Variants in HIP1R observed in about 807,000 individuals in gnomAD.
HIP1R encodes huntingtin-interacting protein 1-related protein.
A neutral mutation model predicts 144.2 loss-of-function variants in HIP1R; 135 were observed. The ratio of observed to expected loss-of-function variants is 0.94; its 90% CI spans 0.81 to 1.08. The LOEUF (loss-of-function observed/expected upper bound fraction) is 1.08, where lower values mean the gene tolerates loss of function less well. HIP1R is among the 50% of genes least tolerant of loss of function. The pLI is 0.00. For missense variants in HIP1R, 1,462 were observed against 1,432.8 expected, an observed-to-expected ratio of 1.02 and a Z score of -0.33; for synonymous variants, 698 against 612.8, an observed-to-expected ratio of 1.14 and a Z score of -2.05.
chr12:122,860,340 G>T, intron 26 of HIP1R, 83 bp from the exon 27 acceptor site: 1 of 1,563,336 alleles, frequency 6.4e-7, no homozygotes. Context: ...GCCAGAGTGA[G>T]GGGGAGAGGG....
Position 122,858,435 on chromosome 12 carries a change from G to T in HIP1R, c.2050G>T (p.Asp684Tyr). The T allele has an allele frequency of 6.2e-7, 1 of 1,603,298 alleles. No homozygotes were observed. The highest frequency in any genetic ancestry group is 8.5e-7 in the Non-Finnish European group (1 of 1,173,844). ...CGCCCAGTACCTGACCTCCTTGGCA[G>T]GTGAGTGTAGCCAGGGCAGGGCGGA... ...GHAQYLTSLADASALVAALTR... is the reference protein window; with the variant it reads ...GHAQYLTSLAYASALVAALTR... Residue 684 changes from aspartate to tyrosine, a missense_variant and splice_region_variant, in exon 20 of 32, where the codon GAC becomes TAC. Physicochemically the swap from Asp to Tyr is radical, Grantham distance 160. Around this residue, in one of 2 missense-constraint regions of HIP1R, gnomAD observed 1,112 missense variants for 1,011.7 expected, o/e 1.10. Transcript: ENST00000253083.
intron 1 of HIP1R, among the ~76,000 whole-genome samples, chr12:122,844,094 C>T (rs1208328407): frequency 3.9e-5 from 6 of 152,138 alleles, no homozygotes; most frequent in African/African-American, 1.4e-4. Context: ...CTGCCTCGGT[C>T]TCCCAAAGTG....
Position 122,856,420 on chromosome 12 carries a change from C to A in HIP1R, c.1402-12C>A. On this transcript the variant is annotated splice_polypyrimidine_tract_variant and intron_variant, in intron 15 of 31. Coordinates refer to ENST00000253083, the MANE Select transcript of HIP1R (RefSeq NM_003959.3). Reference sequence around the variant, plus strand: ...TGGCAGCAGAGCATGAGCCCTTCCCCTGCCCATGCAGAACGCGGACACAGC... The same window carrying A: ...TGGCAGCAGAGCATGAGCCCTTCCCATGCCCATGCAGAACGCGGACACAGC... 1 of 1,601,348 alleles carries A rather than the reference C, an allele frequency of 6.2e-7. No individual in the cohort carries two copies.
At chr12:122,855,686 C>T in intron 12 of HIP1R, 74 bp downstream of exon 12, 1 of 1,531,842 alleles carries the variant, frequency 6.5e-7, no homozygotes, top group Non-Finnish European at 8.9e-7. Context: ...CTGGACAGTT[C>T]TGTCTGGAAA....
rs537862093 is a variant in HIP1R at position 122,861,523 on chromosome 12, T to G, written c.3159+9T>G. ...CCAGACAGGACCACCAGGTGCCGTCTGCACTGGGATGGGGGAGTTCCTGGA... is the reference window on the plus strand; with the variant it reads ...CCAGACAGGACCACCAGGTGCCGTCGGCACTGGGATGGGGGAGTTCCTGGA... On this transcript the variant is annotated intron_variant, in intron 31 of 31. Transcript: ENST00000253083. 4.9e-5 allele frequency: 78 copies of G among 1,606,818 alleles called. No individual in the cohort carries two copies. The South Asian group carries it at 7.8e-4, about 16-fold the overall frequency.
At chr12:122,835,887 C>G (rs1447795435) in intron 1 of HIP1R, among the ~76,000 whole-genome samples, 1 of 150,526 alleles carries the variant, frequency 6.6e-6, no homozygotes. Context: ...CCGCTCCCGC[C>G]GGGCGCTCGG....
chr12:122,861,001 C>T lies in HIP1R; in HGVS notation c.2852C>T (p.Ala951Val), dbSNP rs377755164. 5.0e-6 allele frequency: 8 copies of T among 1,613,564 alleles called. No homozygotes were observed. In the African/African-American group the frequency reaches 9.3e-5, roughly 19 times the overall value. Reference protein sequence around the residue: ...TVNERAANVVASTKSGQEQIE... With the variant: ...TVNERAANVVVSTKSGQEQIE... ...AATGAGAGGGCTGCCAATGTGGTGG[C>T]CTCCACCAAGTCAGGCCAGGAGCAG... Residue 951 changes from alanine to valine, a missense_variant, in exon 29 of 32, where the codon GCC becomes GTC. Coordinates refer to ENST00000253083, the MANE Select transcript of HIP1R (RefSeq NM_003959.3).
intron 4 of HIP1R, 66 bp downstream of exon 4, chr12:122,848,918 A>T: frequency 2.0e-6 from 3 of 1,534,428 alleles, no homozygotes; most frequent in Non-Finnish European, 2.7e-6. Context: ...GGGCTGAGCG[A>T]AGGGTGGCTC....
In HIP1R at chr12:122,859,498, A is replaced by G. The variant is rs1338778422; in HGVS notation, c.2368A>G (p.Thr790Ala). ...GAVVDKEMAATSAAIEDAVRR... is the reference protein window; with the variant it reads ...GAVVDKEMAAASAAIEDAVRR... ...CGTGGTCGACAAGGAGATGGCGGCC[A>G]CATCCGCAGCCATTGAAGATGCTGT... Residue 790 changes from threonine (T) to alanine (A), a missense_variant, in exon 23 of 32, where the codon ACA becomes GCA. By Grantham distance (58) the Thr-to-Ala change is moderately conservative. This residue lies in a region of HIP1R where 1,112 missense variants were observed against 1,011.7 expected (regional missense o/e 1.10). Coordinates refer to ENST00000253083, the MANE Select transcript of HIP1R (RefSeq NM_003959.3). The G allele has an allele frequency of 1.4e-5, 22 of 1,613,388 alleles. No individual in the cohort carries two copies. The highest frequency in any genetic ancestry group is 1.9e-5 in the Non-Finnish European group (22 of 1,179,888).
intron 1 of HIP1R, among the ~76,000 whole-genome samples, chr12:122,837,084 C>T (rs1347691495): frequency 1.3e-5 from 2 of 152,186 alleles, no homozygotes; most frequent in Non-Finnish European, 2.9e-5. Flanking sequence ...AATTGGCAGA[C>T]ATATCTGGAT....
In HIP1R at chr12:122,860,785, G is replaced by A; in HGVS notation, c.2766+1G>A. The A allele has an allele frequency of 1.9e-6, 3 of 1,612,190 alleles. No homozygotes were observed. The highest frequency in any genetic ancestry group is 1.1e-5 in the South Asian group (1 of 90,986). ...GGCCCAGCTGGTGGCGGCCTCCAAGGTGAGCTTGCACGCCGACAGCAGCAC... is the reference window on the plus strand; with the variant it reads ...GGCCCAGCTGGTGGCGGCCTCCAAGATGAGCTTGCACGCCGACAGCAGCAC... On this transcript the variant is annotated splice_donor_variant, in intron 28 of 31. Coordinates refer to ENST00000253083, the MANE Select transcript of HIP1R (RefSeq NM_003959.3). LOFTEE classifies it high-confidence loss of function.
intron 24 of HIP1R, 23 bp downstream of exon 24, chr12:122,859,853 C>A (rs763255926): frequency 1.9e-6 from 3 of 1,607,970 alleles, no homozygotes; most frequent in Non-Finnish European, 2.5e-6. Flanking sequence ...TCTGTCCCCC[C>A]AGGCCCAGCC....
chr12:122,844,960 C>T (rs2033166953), intron 1 of HIP1R, among the ~76,000 whole-genome samples: 1 of 152,192 alleles, frequency 6.6e-6, no homozygotes, highest in South Asian at 2.1e-4. Context: ...GCTGCAGTTT[C>T]CCCACCTTCA....
rs2033766955 is a variant in HIP1R at position 122,861,416 on chromosome 12, G to A, written c.3061G>A (p.Glu1021Lys). 2 of 1,613,526 alleles carry A rather than the reference G, an allele frequency of 1.2e-6. No homozygotes were observed. Among genetic ancestry groups the A allele is most frequent in the African/African-American group, 1.3e-5 (1 of 75,032 alleles). ...LAGASGSPGE[E>K]VAIRPSTAPR... is the part of the protein sequence containing the mutation. ...TGGGGCATCAGGCAGCCCTGGAGAG[G>A]AGGTGGCCATCCGGCCCAGCACTGC... The change falls in exon 31 of 32, where the codon GAG becomes AAG. Residue 1021 changes from glutamate to lysine, a missense_variant. Around this residue, in one of 2 missense-constraint regions of HIP1R, gnomAD observed 1,112 missense variants for 1,011.7 expected, o/e 1.10. Transcript: ENST00000253083.
At chr12:122,844,927 C>T (rs1033786267) in intron 1 of HIP1R, among the ~76,000 whole-genome samples, 1 of 152,228 alleles carries the variant, frequency 6.6e-6, no homozygotes, top group African/African-American at 2.4e-5. Flanking sequence ...CAGGCCTGGG[C>T]AGCCCTCTAC....
At chr12:122,838,827 C>A (rs2032978626) in intron 1 of HIP1R, among the ~76,000 whole-genome samples, 2 of 152,174 alleles carry the variant, frequency 1.3e-5, no homozygotes. Context: ...GAGAAAGACT[C>A]ACTGCCTGCT....
chr12:122,841,598 T>C (rs757777304), intron 1 of HIP1R, among the ~76,000 whole-genome samples: 2 of 152,192 alleles, frequency 1.3e-5, no homozygotes, highest in African/African-American at 2.4e-5. Flanking sequence ...GAGATTGTTT[T>C]TTCTCTGGCT....
intron 21 of HIP1R, 33 bp from the exon 22 acceptor site, chr12:122,859,028 G>GA: frequency 3.1e-6 from 5 of 1,606,586 alleles, no homozygotes; most frequent in Non-Finnish European, 4.2e-6. Flanking sequence ...TGTCGGTGGG[G>GA]GGGGCTCCAC....
At position 122,858,090 on chromosome 12, in the gene HIP1R, C is replaced by T. The variant is rs998660399; in HGVS notation, c.1816-12C>T. On this transcript the variant is annotated splice_polypyrimidine_tract_variant and intron_variant, in intron 18 of 31. Coordinates refer to ENST00000253083, the MANE Select transcript of HIP1R (RefSeq NM_003959.3). ...AGGATCTCTAACCTGTCCTCTTCAC[C>T]CCCATTGCCAGGAGTCTCAGGAGCA... 4 of 1,561,208 alleles carry T rather than the reference C, an allele frequency of 2.6e-6. No individual in the cohort carries two copies. The highest frequency in any genetic ancestry group is 2.7e-5 in the African/African-American group (2 of 73,494).
Sources: allele counts gnomAD v4.1 joint callset (sites outside exome capture counted in the v4.1 genomes callset), GRCh38; gene constraint gnomAD v4.1.1; regional missense constraint gnomAD v4.1.1; transcripts MANE v1.5; gene names NCBI Gene and HGNC (gene_info 2026-07-23, HGNC 2026-07-21).